The following LIPA variants were observed in gnomAD, a reference collection of about 807,000 sequenced individuals.
LIPA encodes the protein lipase A, lysosomal acid type.
A neutral mutation model predicts 40.6 loss-of-function variants in LIPA; 26 were observed. The ratio of observed to expected loss-of-function variants is 0.64; its 90% CI spans 0.47 to 0.89. The LOEUF (loss-of-function observed/expected upper bound fraction) is 0.89, where lower values mean the gene tolerates loss of function less well. Among genes scored for constraint, LIPA ranks in the 40% least tolerant of loss-of-function variants. The probability of loss-of-function intolerance (pLI) is 0.00; values close to 1 mark genes in which losing one functional copy is unlikely to be tolerated. For missense variants in LIPA, 455 were observed against 479.6 expected, an observed-to-expected ratio of 0.95 and a Z score of 0.48; for synonymous variants, 188 against 168.4, an observed-to-expected ratio of 1.12 and a Z score of -0.90.
intron 2 of LIPA, among the ~76,000 whole-genome samples, chr10:89,350,548 G>A (rs565568994): frequency 4.0e-5 from 6 of 151,772 alleles, no homozygotes; most frequent in South Asian, 2.1e-4. Context: ...CTCGTGATCC[G>A]CCCACCTCAG....
intron 1 of LIPA, among the ~76,000 whole-genome samples, chr10:89,316,126 C>T (rs1044517195): frequency 6.6e-6 from 1 of 152,134 alleles, no homozygotes; most frequent in South Asian, 2.1e-4. Flanking sequence ...CAAATAGGAA[C>T]AGCTCCAGTC....
intron 2 of LIPA, chr10:89,403,822 T>A: frequency 1.5e-6 from 1 of 645,438 alleles, no homozygotes; most frequent in Non-Finnish European, 2.6e-6. Context: ...TGTAATGATG[T>A]AATTCTTGAA....
intron 1 of LIPA, among the ~76,000 whole-genome samples, chr10:89,328,665 A>AT (rs1843622162): frequency 6.6e-6 from 1 of 152,190 alleles, no homozygotes; most frequent in South Asian, 2.1e-4. Flanking sequence ...ACAAATGGGC[A>AT]TTTTTGTCAT....
chr10:89,372,736 C>T (rs1378005407), intron 2 of LIPA, among the ~76,000 whole-genome samples: 1 of 152,206 alleles, frequency 6.6e-6, no homozygotes, highest in Non-Finnish European at 1.5e-5. Context: ...ATGGGAATGG[C>T]ATTGAACTTC....
intron 1 of LIPA, among the ~76,000 whole-genome samples, chr10:89,291,272 C>T (rs1049275971): frequency 6.6e-6 from 1 of 151,452 alleles, no homozygotes; most frequent in Non-Finnish European, 1.5e-5. Context: ...AGATTCCTTC[C>T]TTTTTAGCTT....
intron 1 of LIPA, among the ~76,000 whole-genome samples, chr10:89,260,604 C>T (rs191816736): frequency 1.7e-4 from 26 of 152,242 alleles, no homozygotes; most frequent in Non-Finnish European, 1.0e-4. Context: ...TTGGAGGTGC[C>T]GACACATTCT....
intron 2 of LIPA, among the ~76,000 whole-genome samples, chr10:89,358,952 G>A (rs903153232): frequency 1.3e-5 from 2 of 152,214 alleles, no homozygotes; most frequent in Admixed American, 1.3e-4. Flanking sequence ...AAATTATTGA[G>A]ATGATGGACA....
At chr10:89,388,298 GT>G (rs1349755364) in intron 2 of LIPA, among the ~76,000 whole-genome samples, 5 of 152,072 alleles carry the variant, frequency 3.3e-5, no homozygotes, top group Admixed American at 6.5e-5. Context: ...TAGAGACAGG[GT>G]TTTGCCATGT....
At chr10:89,412,906 C>G (rs304439) in exon 2 of LIPA, 149,510 of 248,244 alleles carry the variant, frequency 0.6, 48,267 homozygotes, top group African/African-American at 0.89. Context: ...CTTGAAGTCA[C>G]CAAGACCAAA....
rs1021663360 is a variant in LIPA at position 89,299,004 on chromosome 10, AT to A, written c.-2+43606del. Among the ~76,000 whole-genome samples, 297 of 151,320 alleles carry A rather than the reference AT, an allele frequency of 2.0e-3. 1 individual carries two copies. The highest frequency in any genetic ancestry group is 6.9e-3 in the African/African-American group (284 of 41,412). On this transcript the variant is annotated intron_variant, in intron 1 of 5. Transcript: ENST00000282673. ...TCTCAAAAAAATAAAAAATAAAAAA[AT>A]AATATATATGTATATATAAAAAATA... is the stretch of plus-strand genomic sequence containing the variant.
At chr10:89,254,004 T>C (rs1228861707), upstream of LIPA, among the ~76,000 whole-genome samples, 1 of 152,232 alleles carries the variant, frequency 6.6e-6, no homozygotes, top group Admixed American at 6.5e-5. Context: ...AGGGGGACCC[T>C]TCCTCCTGGC....
intron 2 of LIPA, among the ~76,000 whole-genome samples, chr10:89,367,411 G>C (rs1844064363): frequency 6.6e-6 from 1 of 152,162 alleles, no homozygotes; most frequent in African/African-American, 2.4e-5. Context: ...CTGGCTTCTA[G>C]CTCTGTCCTG....
chr10:89,346,932 G>A (rs1177733155), upstream of LIPA, among the ~76,000 whole-genome samples: 1 of 152,202 alleles, frequency 6.6e-6, no homozygotes, highest in Non-Finnish European at 1.5e-5. Context: ...GGCTTAGCCT[G>A]TCTTTTCTCT....
intron 2 of LIPA, among the ~76,000 whole-genome samples, chr10:89,358,327 C>G (rs536250746): frequency 6.6e-6 from 1 of 152,282 alleles, no homozygotes; most frequent in South Asian, 2.1e-4. Context: ...ACCTTATATA[C>G]TGTTGGTGGG....
chr10:89,310,912 T>G (rs1444696072), intron 1 of LIPA, among the ~76,000 whole-genome samples: 1 of 152,256 alleles, frequency 6.6e-6, no homozygotes, highest in East Asian at 1.9e-4. Flanking sequence ...AGTCATAGTT[T>G]GTGTTATTTC....
intron 1 of LIPA, chr10:89,305,900 G>A (rs1337095140): frequency 2.6e-6 from 3 of 1,172,716 alleles, no homozygotes; most frequent in Non-Finnish European, 3.7e-6. Flanking sequence ...TATTTGCCAT[G>A]CTCCCATTTC....
At chr10:89,326,418 AATG>A (rs1843600237) in intron 1 of LIPA, among the ~76,000 whole-genome samples, 1 of 152,202 alleles carries the variant, frequency 6.6e-6, no homozygotes, top group African/African-American at 2.4e-5. Flanking sequence ...TAGAGATTAG[AATG>A]ATGATTACTA....
At chr10:89,339,655 G>A (rs974974070) in intron 1 of LIPA, 10 of 1,614,054 alleles carry the variant, frequency 6.2e-6, no homozygotes, top group East Asian at 2.2e-5. Context: ...TGCATACTCC[G>A]ATCTCGCTGA....
At chr10:89,250,425 C>T (rs1843103162) in intron 1 of LIPA, among the ~76,000 whole-genome samples, 2 of 152,120 alleles carry the variant, frequency 1.3e-5, no homozygotes, top group African/African-American at 2.4e-5. Flanking sequence ...CAGGAGCAAA[C>T]GTTATCCCCT....
Sources: allele counts gnomAD v4.1 joint callset (sites outside exome capture counted in the v4.1 genomes callset), GRCh38; gene constraint gnomAD v4.1.1; transcripts MANE v1.5; gene names NCBI Gene and HGNC (gene_info 2026-07-23, HGNC 2026-07-21).